Variants in NECTIN3 observed in about 807,000 individuals in gnomAD.
NECTIN3 encodes nectin-3.
NECTIN3 carries 8 observed loss-of-function variants against 49.4 expected under a neutral mutation model. The ratio of observed to expected loss-of-function variants is 0.16; its 90% CI spans 0.10 to 0.29. The LOEUF is 0.29. Ranked by LOEUF, NECTIN3 falls within the 10% of genes least tolerant of loss-of-function variation. The pLI is 1.00. For synonymous variants in NECTIN3, 277 were observed against 241.1 expected (o/e 1.15, Z -1.38); for missense variants, 581 against 654.6 (o/e 0.89, Z 1.23).
At chr3:111,132,875 A>G (rs2034443555) in intron 5 of NECTIN3, among the ~76,000 whole-genome samples, 1 of 151,946 alleles carries the variant, frequency 6.6e-6, no homozygotes, top group Non-Finnish European at 1.5e-5. Context: ...TGACATTTTT[A>G]TTACTTTATA....
intron 7 of NECTIN3, among the ~76,000 whole-genome samples, chr3:111,151,261 G>A (rs1314821374): frequency 6.6e-6 from 1 of 151,760 alleles, no homozygotes; most frequent in African/African-American, 2.4e-5. Flanking sequence ...CCGATAAACA[G>A]GTTTTGAATG....
intron 1 of NECTIN3, among the ~76,000 whole-genome samples, chr3:111,192,960 C>G (rs2035839157): frequency 6.6e-6 from 1 of 152,108 alleles, no homozygotes; most frequent in African/African-American, 2.4e-5. Context: ...GAAACTGATC[C>G]CAGTCCCCAT....
chr3:111,075,145 T>A (rs1230051246), intron 1 of NECTIN3: 1 of 152,128 alleles, frequency 6.6e-6, no homozygotes, highest in Non-Finnish European at 1.5e-5. Flanking sequence ...AAGATGCTTG[T>A]AACTTTGGGT....
rs983677577 is a variant in NECTIN3 at position 111,134,457 on chromosome 3, C to T, written c.*242C>T. ...AAGATTTAAATTTTAATGCAGAGTA[C>T]TTTATTGGTGTGAGGCACACAGGTA... On this transcript the variant is annotated 3_prime_UTR_variant, in exon 6 of 6. Transcript: ENST00000485303. 54 of 1,167,148 alleles carry T rather than the reference C, an allele frequency of 4.6e-5. No individual in the cohort carries two copies. Among genetic ancestry groups the T allele is most frequent in the Non-Finnish European group, 5.7e-5 (54 of 944,912 alleles). 72.3% of individuals were successfully genotyped at this position (1,167,148 alleles called of 1,614,324 possible). A position where few individuals can be genotyped will look rare whatever the true frequency, so the allele number is the denominator to read the frequency against.
chr3:111,113,800 A>G (rs945193358), intron 2 of NECTIN3, among the ~76,000 whole-genome samples: 2 of 152,278 alleles, frequency 1.3e-5, no homozygotes, highest in Non-Finnish European at 1.5e-5. Flanking sequence ...CCTGGCCAGC[A>G]TGGCAAAACC....
chr3:111,124,466 G>A (rs2034080252), intron 4 of NECTIN3, among the ~76,000 whole-genome samples: 1 of 152,100 alleles, frequency 6.6e-6, no homozygotes, highest in East Asian at 1.9e-4. Flanking sequence ...TGAGCCCAAA[G>A]TACAAAGGTA....
At chr3:111,159,659 TCCA>T (rs2035170013) in intron 7 of NECTIN3, among the ~76,000 whole-genome samples, 1 of 152,194 alleles carries the variant, frequency 6.6e-6, no homozygotes, top group Non-Finnish European at 1.5e-5. Flanking sequence ...CGAAATTTCC[TCCA>T]ACATCATTCC....
In NECTIN3 at chr3:111,136,925, A is replaced by G; in HGVS notation, c.*2710A>G. On this transcript the variant is annotated 3_prime_UTR_variant, in exon 6 of 6. Transcript: ENST00000485303. ...ATTTGAGAAGTGCTTTAGAGTTGAA[A>G]GATTTAGTATTTTACCACGTGCCTA... is the stretch of plus-strand genomic sequence containing the variant. 1.0e-6 allele frequency: 1 copy of G among 970,200 alleles called. No homozygotes were observed. The highest frequency in any genetic ancestry group is 1.8e-5 in the African/African-American group (1 of 56,944). The allele number at this position is 970,200 out of a possible 1,614,324, so 60.1% of individuals were successfully genotyped here. A position where few individuals can be genotyped will look rare whatever the true frequency, so the allele number is the denominator to read the frequency against.
Position 111,093,426 on chromosome 3 carries a change from GT to G in NECTIN3, c.161-18589del, listed in dbSNP as rs35209735. 4.4e-3 allele frequency among the ~76,000 whole-genome samples: 618 copies of G among 140,206 alleles called. 7 individuals carry two copies. Among genetic ancestry groups the G allele is most frequent in the African/African-American group, 0.015 (562 of 38,248 alleles). The allele number at this position is 140,206 out of a possible 152,430, so 92.0% of individuals were successfully genotyped here. A position where few individuals can be genotyped will look rare whatever the true frequency, so the allele number is the denominator to read the frequency against. On this transcript the variant is annotated intron_variant, in intron 1 of 5. Transcript: ENST00000485303. ...GTGTGTGGTTTTTTTATTTTGTTGG[GT>G]TTTTTTTTTTTTTTGAGACAGAGTT...
downstream of NECTIN3, among the ~76,000 whole-genome samples, chr3:111,140,186 AT>A (rs1413328081): frequency 2.6e-5 from 4 of 151,654 alleles, no homozygotes; most frequent in Non-Finnish European, 4.4e-5. Context: ...CCCAACCACT[AT>A]TTTTAGAGTT....
At chr3:111,123,250 AG>A (rs1265186523) in intron 4 of NECTIN3, among the ~76,000 whole-genome samples, 1 of 152,082 alleles carries the variant, frequency 6.6e-6, no homozygotes, top group Non-Finnish European at 1.5e-5. Context: ...GTTTCTTCCC[AG>A]GGATACTAGA....
intron 5 of NECTIN3, among the ~76,000 whole-genome samples, chr3:111,127,657 C>T (rs551785547): frequency 2.0e-4 from 31 of 151,972 alleles, no homozygotes; most frequent in African/African-American, 7.5e-4. Flanking sequence ...CCTCTGCCTC[C>T]CGGGCTCAAG....
At chr3:111,087,093 G>A (rs566038828) in intron 1 of NECTIN3, among the ~76,000 whole-genome samples, 1 of 152,170 alleles carries the variant, frequency 6.6e-6, no homozygotes, top group Non-Finnish European at 1.5e-5. Context: ...CTTATGTAAA[G>A]AGACCTTGCT....
In NECTIN3 at chr3:111,126,274, T is replaced by C; in HGVS notation, c.1008T>C (p.Tyr336=). Residue 336 remains tyrosine (Y), a synonymous_variant, in exon 5 of 6, where the codon TAT becomes TAC. Transcript: ENST00000485303. The part of the protein sequence containing the change: ...HPLTFNYSGV[Y]ICKVTNSLGQ... Reference sequence around the variant, plus strand: ...TGACTTTCAATTATTCTGGTGTTTATATCTGTAAAGTGACCAATTCCCTTG... The same window carrying C: ...TGACTTTCAATTATTCTGGTGTTTACATCTGTAAAGTGACCAATTCCCTTG... 6.2e-7 allele frequency: 1 copy of C among 1,611,332 alleles called. No homozygotes were observed. Among genetic ancestry groups the C allele is most frequent in the Non-Finnish European group, 8.5e-7 (1 of 1,179,114 alleles).
At chr3:111,173,707 T>C (rs2035474273) in intron 7 of NECTIN3, among the ~76,000 whole-genome samples, 1 of 152,220 alleles carries the variant, frequency 6.6e-6, no homozygotes, top group Non-Finnish European at 1.5e-5. Flanking sequence ...TAATCTCTTT[T>C]ATTATCCACA....
chr3:111,193,781 G>A (rs188867130), intron 1 of NECTIN3, among the ~76,000 whole-genome samples: 2 of 152,246 alleles, frequency 1.3e-5, no homozygotes, highest in African/African-American at 4.8e-5. Flanking sequence ...ATTCACACAG[G>A]CATAAAAATG....
At chr3:111,083,693 G>A (rs2031765962) in intron 1 of NECTIN3, among the ~76,000 whole-genome samples, 1 of 152,072 alleles carries the variant, frequency 6.6e-6, no homozygotes, top group Non-Finnish European at 1.5e-5. Context: ...TTGACCCCGT[G>A]GTTAAAAGAC....
intron 1 of NECTIN3, among the ~76,000 whole-genome samples, chr3:111,082,904 G>A (rs2031708745): frequency 6.6e-6 from 1 of 152,182 alleles, no homozygotes; most frequent in South Asian, 2.1e-4. Context: ...TTAGATTCTT[G>A]TAAGGAGTGC....
chr3:111,178,744 T>C (rs1159517666), intron 7 of NECTIN3, among the ~76,000 whole-genome samples: 1 of 152,210 alleles, frequency 6.6e-6, no homozygotes, highest in Non-Finnish European at 1.5e-5. Context: ...TTTTAGCCCC[T>C]TTCTGCAAGC....
Sources: allele counts gnomAD v4.1 joint callset (sites outside exome capture counted in the v4.1 genomes callset), GRCh38; gene constraint gnomAD v4.1.1; transcripts MANE v1.5; gene names NCBI Gene and HGNC (gene_info 2026-07-23, HGNC 2026-07-21).